Variants in TMEM232 observed in about 807,000 individuals in gnomAD.
TMEM232 encodes transmembrane protein 232.
In TMEM232, 80 loss-of-function variants were observed where a neutral mutation model predicts 78.8. The observed-to-expected ratio is 1.01, with a 90% CI of 0.85 to 1.22. The LOEUF (loss-of-function observed/expected upper bound fraction) is 1.22, where lower values mean the gene tolerates loss of function less well. TMEM232 is among the 50% of genes most tolerant of loss of function. TMEM232 has a pLI of 0.00. For synonymous variants in TMEM232, 297 were observed against 254.3 expected (o/e 1.17, Z -1.60); for missense variants, 881 against 742.2 (o/e 1.19, Z -2.17).
At chr5:110,735,072 G>T (rs922996915) in intron 1 of TMEM232, 10 of 152,102 alleles carry the variant, frequency 6.6e-5, no homozygotes, top group African/African-American at 2.4e-4. Flanking sequence ...CAATACAGTG[G>T]TTTACACATA....
intron 12 of TMEM232, among the ~76,000 whole-genome samples, chr5:110,522,513 T>G (rs1561618894): frequency 6.6e-6 from 1 of 152,162 alleles, no homozygotes; most frequent in Non-Finnish European, 1.5e-5. Context: ...AAACATTCAG[T>G]TTTTCACTAT....
chr5:110,695,361 A>C (rs1358673874), intron 1 of TMEM232, among the ~76,000 whole-genome samples: 2 of 152,342 alleles, frequency 1.3e-5, no homozygotes, highest in Admixed American at 1.3e-4. Context: ...GAAAGATCTA[A>C]AATTGACACG....
chr5:110,721,657 G>C (rs1482468513), intron 1 of TMEM232, among the ~76,000 whole-genome samples: 2 of 29,188 alleles, frequency 6.9e-5, no homozygotes, highest in Non-Finnish European at 2.1e-4. Flanking sequence ...TGCATATCAT[G>C]TGTGTGTGTG....
chr5:110,402,746 C>T (rs773681729), intron 2 of TMEM232, among the ~76,000 whole-genome samples: 9 of 152,084 alleles, frequency 5.9e-5, no homozygotes, highest in Non-Finnish European at 1.3e-4. Context: ...ACTCAAGACT[C>T]AAAGTCCAGA....
chr5:110,653,275 T>C (rs970865373), intron 2 of TMEM232, among the ~76,000 whole-genome samples: 1 of 152,234 alleles, frequency 6.6e-6, no homozygotes, highest in African/African-American at 2.4e-5. Context: ...CTATAATCTT[T>C]GCTGAATCAC....
chr5:110,551,360 T>A (rs534041069), intron 11 of TMEM232, among the ~76,000 whole-genome samples: 72 of 152,056 alleles, frequency 4.7e-4, no homozygotes, highest in Middle Eastern at 3.4e-3. Flanking sequence ...GTAGATGGGA[T>A]TACAGGCACT....
chr5:110,538,320 C>T (rs4957904), intron 11 of TMEM232, among the ~76,000 whole-genome samples: 8,696 of 152,090 alleles, frequency 0.057, 524 homozygotes, highest in East Asian at 0.26. Flanking sequence ...GATGGGGCCA[C>T]GCAGTAATCA....
chr5:110,405,678 T>G (rs1056659523), intron 2 of TMEM232, among the ~76,000 whole-genome samples: 1 of 149,326 alleles, frequency 6.7e-6, no homozygotes, highest in Non-Finnish European at 1.5e-5. Flanking sequence ...AAAGAAAGAT[T>G]CAATGAACTC....
intron 5 of TMEM232, among the ~76,000 whole-genome samples, chr5:110,632,802 G>A (rs1785303868): frequency 1.3e-5 from 2 of 152,076 alleles, no homozygotes; most frequent in South Asian, 4.1e-4. Context: ...ATCCCTAAAG[G>A]AGAAAAGTGA....
At chr5:110,698,766 C>T (rs563987837) in intron 1 of TMEM232, among the ~76,000 whole-genome samples, 32 of 152,076 alleles carry the variant, frequency 2.1e-4, no homozygotes, top group African/African-American at 4.8e-4. Context: ...TAAATTGCTA[C>T]GAAGAAAGGA....
At chr5:110,445,700 A>G (rs1759571835) in intron 12 of TMEM232, among the ~76,000 whole-genome samples, 1 of 152,154 alleles carries the variant, frequency 6.6e-6, no homozygotes, top group African/African-American at 2.4e-5. Flanking sequence ...GACACATCAA[A>G]GTTCAACTAT....
chr5:110,697,631 A>G (rs201656719), intron 1 of TMEM232, among the ~76,000 whole-genome samples: 1 of 152,086 alleles, frequency 6.6e-6, no homozygotes, highest in Non-Finnish European at 1.5e-5. Context: ...ATCAACAAGT[A>G]GGCAAAGGAT....
At chr5:110,468,901 C>G (rs1439605165) in intron 12 of TMEM232, among the ~76,000 whole-genome samples, 1 of 152,070 alleles carries the variant, frequency 6.6e-6, no homozygotes, top group African/African-American at 2.4e-5. Flanking sequence ...TACCAGAAAC[C>G]ATGTAGAGCA....
intron 11 of TMEM232, among the ~76,000 whole-genome samples, chr5:110,544,640 A>G (rs1343513059): frequency 6.6e-6 from 1 of 152,088 alleles, no homozygotes; most frequent in African/African-American, 2.4e-5. Flanking sequence ...CCTTTTTAAC[A>G]TGTCTTTACC....
At chr5:110,616,203 C>T (rs73224399) in intron 8 of TMEM232, among the ~76,000 whole-genome samples, 12,496 of 151,968 alleles carry the variant, frequency 0.082, 1,108 homozygotes, top group African/African-American at 0.23. Context: ...CAAAACAGCA[C>T]GGCAATTGCA....
At chr5:110,730,725 C>T (rs190882777), upstream of TMEM232, among the ~76,000 whole-genome samples, 3 of 152,202 alleles carry the variant, frequency 2.0e-5, no homozygotes, top group Middle Eastern at 3.4e-3. Context: ...AAGACTGGCC[C>T]CCATGATTCA....
intron 2 of TMEM232, among the ~76,000 whole-genome samples, chr5:110,665,792 T>C (rs1010944597): frequency 2.0e-5 from 3 of 150,356 alleles, no homozygotes; most frequent in Non-Finnish European, 4.4e-5. Context: ...CAGTGGCTCA[T>C]GCCTGTAATT....
intron 12 of TMEM232, among the ~76,000 whole-genome samples, chr5:110,471,361 T>C (rs1252352308): frequency 6.6e-6 from 1 of 152,074 alleles, no homozygotes; most frequent in African/African-American, 2.4e-5. Context: ...TGGTGAAAAC[T>C]TCCCAAGTGT....
intron 11 of TMEM232, among the ~76,000 whole-genome samples, chr5:110,557,017 T>C (rs1416973114): frequency 6.6e-6 from 1 of 152,196 alleles, no homozygotes. Context: ...CAATAAGTCA[T>C]AGATTTGTTC....
Sources: gnomAD v4.1 joint callset for allele counts (sites outside exome capture counted in the v4.1 genomes callset) on GRCh38, gnomAD v4.1.1 for gene constraint, MANE v1.5 for transcripts, NCBI Gene and HGNC (gene_info 2026-07-23, HGNC 2026-07-21) for gene names.